The following SLC26A8 variants were observed in gnomAD, a reference collection of about 807,000 sequenced individuals.
SLC26A8 encodes testis anion transporter 1.
SLC26A8 carries 70 observed loss-of-function variants against 105.0 expected under a neutral mutation model. The observed-to-expected ratio is 0.67, with a 90% confidence interval of 0.55 to 0.81. The LOEUF is 0.81. SLC26A8 is among the 40% of genes least tolerant of loss of function. The pLI is 0.00. For synonymous variants in SLC26A8, 415 were observed against 438.3 expected, an observed-to-expected ratio of 0.95 and a Z score of 0.66; for missense variants, 998 against 1,181.8, an observed-to-expected ratio of 0.84 and a Z score of 2.28.
intron 3 of SLC26A8, among the ~76,000 whole-genome samples, chr6:36,001,082 G>T (rs1223456175): frequency 6.6e-6 from 1 of 151,748 alleles, no homozygotes; most frequent in Non-Finnish European, 1.5e-5. Flanking sequence ...ACAAATGATT[G>T]TTGTGGTAGA....
At chr6:35,954,827 TC>T in intron 17 of SLC26A8, 1 of 288,122 alleles carries the variant, frequency 3.5e-6, no homozygotes, top group Non-Finnish European at 6.8e-6. Context: ...TGCCTGTAGT[TC>T]CAGCTATTCA....
At chr6:36,000,473 A>G (rs1761489122) in intron 3 of SLC26A8, among the ~76,000 whole-genome samples, 1 of 152,188 alleles carries the variant, frequency 6.6e-6, no homozygotes, top group Non-Finnish European at 1.5e-5. Flanking sequence ...GGCCGTGGGA[A>G]TTCTCCAGGG....
rs758425481 is a variant in SLC26A8 at position 35,955,528 on chromosome 6, G to A, written c.1864-8C>T. 2.1e-5 allele frequency: 34 copies of A among 1,612,296 alleles called. No individual in the cohort carries two copies. The South Asian group carries it at 3.0e-4, about 14-fold the overall frequency. On this transcript the variant is annotated splice_region_variant and splice_polypyrimidine_tract_variant and intron_variant, in intron 16 of 19. Transcript: ENST00000490799. ...TCGCTCTGTGTAAAGAATCTGGGAC[G>A]ACAGAGTTAAGGGAGGGCTGTGGTA...
At chr6:35,952,958 G>C (rs1771931070) in intron 17 of SLC26A8, among the ~76,000 whole-genome samples, 1 of 142,682 alleles carries the variant, frequency 7.0e-6, no homozygotes, top group Non-Finnish European at 1.5e-5. Flanking sequence ...AGATTGCAGT[G>C]AGCCGAGATC....
chr6:35,994,693 A>T (rs1454372606), intron 5 of SLC26A8, among the ~76,000 whole-genome samples: 2 of 150,886 alleles, frequency 1.3e-5, no homozygotes, highest in Non-Finnish European at 2.9e-5. Context: ...CTCCCACCTC[A>T]GCCTCCCGAG....
intron 6 of SLC26A8, 66 bp from the exon 7 acceptor site, chr6:35,991,874 A>T: frequency 6.9e-7 from 1 of 1,447,246 alleles, no homozygotes; most frequent in Non-Finnish European, 9.1e-7. Context: ...CTAGAAATTG[A>T]CACTGTAGAT....
intron 10 of SLC26A8, 130 bp from the exon 11 acceptor site, chr6:35,969,084 T>C (rs1772677588): frequency 1.4e-6 from 1 of 723,818 alleles, no homozygotes; most frequent in Non-Finnish European, 2.4e-6. Context: ...TCCAAGTGTA[T>C]TTTTGTTGAA....
In SLC26A8 at chr6:35,992,565, G is replaced by C; in HGVS notation, c.737C>G (p.Thr246Ser). The change falls in exon 6 of 20, where the codon ACT (threonine) becomes AGT (serine). Residue 246 changes from threonine to serine, a missense_variant. Thr to Ser is a moderately conservative substitution (Grantham distance 58). Coordinates refer to ENST00000490799, the MANE Select transcript of SLC26A8 (RefSeq NM_052961.4). Reference sequence around the variant, plus strand: ...ACTAATCATAATCCCAAAGATGAAAGTCAGCTGGGACAGCATGATATGAAG... The same window carrying C: ...ACTAATCATAATCCCAAAGATGAAACTCAGCTGGGACAGCATGATATGAAG... ...VALHIMLSQL[T>S]FIFGIMISFH... The C allele has an allele frequency of 6.2e-7, 1 of 1,614,138 alleles. No individual in the cohort carries two copies. Among genetic ancestry groups the C allele is most frequent in the Non-Finnish European group, 8.5e-7 (1 of 1,179,998 alleles).
intron 7 of SLC26A8, among the ~76,000 whole-genome samples, chr6:35,988,969 T>C (rs1773642705): frequency 6.6e-6 from 1 of 151,204 alleles, no homozygotes; most frequent in Admixed American, 6.6e-5. Flanking sequence ...GCCTCCCGAG[T>C]AGCTGGAACT....
At chr6:35,951,043 TG>T in intron 19 of SLC26A8, 119 bp downstream of exon 19, 2 of 990,874 alleles carry the variant, frequency 2.0e-6, no homozygotes, top group Non-Finnish European at 3.0e-6. Context: ...ATACCTTTCC[TG>T]GACATTATTC....
chr6:35,989,168 G>A (rs1247101272), intron 7 of SLC26A8, among the ~76,000 whole-genome samples: 3 of 152,016 alleles, frequency 2.0e-5, no homozygotes, highest in Non-Finnish European at 4.4e-5. Context: ...GAATTTATAC[G>A]CCAGGTAACT....
In SLC26A8 at chr6:35,975,453, A is replaced by G; in HGVS notation, c.1209T>C (p.Ser403=). 1 of 1,613,732 alleles carries G rather than the reference A, an allele frequency of 6.2e-7. No individual in the cohort carries two copies. Among genetic ancestry groups the G allele is most frequent in the African/African-American group, 1.3e-5 (1 of 75,040 alleles). Residue 403 remains serine, a synonymous_variant, in exon 10 of 20, where the codon AGT becomes AGC. Transcript: ENST00000490799. ...TAAACACACAAGATCTGAAAAATGA[A>G]CTGACGACATTGCAAAGGCCGATGG... ...LIAIGLCNVV[S]SFFRSCVFTG... is the part of the protein sequence containing the mutation.
At chr6:35,958,039 C>T (rs1179626572) in intron 16 of SLC26A8, among the ~76,000 whole-genome samples, 1 of 152,216 alleles carries the variant, frequency 6.6e-6, no homozygotes, top group African/African-American at 2.4e-5. Context: ...TTATTTCTAC[C>T]TTGGTGTCTT....
chr6:36,008,085 A>T (rs970391768), intron 3 of SLC26A8, among the ~76,000 whole-genome samples: 2 of 139,158 alleles, frequency 1.4e-5, no homozygotes, highest in Non-Finnish European at 3.0e-5. Flanking sequence ...GAGCCATTGC[A>T]CTCCAGCCTG....
At chr6:35,959,373 A>G in intron 16 of SLC26A8, 87 bp downstream of exon 16, 1 of 1,399,834 alleles carries the variant, frequency 7.1e-7, no homozygotes, top group Non-Finnish European at 9.6e-7. Flanking sequence ...AATCCCTTAG[A>G]GGTTTTGATT....
intron 7 of SLC26A8, among the ~76,000 whole-genome samples, chr6:35,984,937 CAA>C (rs1250426054): frequency 6.6e-6 from 1 of 152,146 alleles, no homozygotes; most frequent in African/African-American, 2.4e-5. Context: ...GCATTAACCT[CAA>C]AACAGACCCT....
intron 2 of SLC26A8, among the ~76,000 whole-genome samples, chr6:36,018,925 C>G (rs851036): frequency 0.38 from 57,069 of 151,836 alleles, 11,834 homozygotes; most frequent in South Asian, 0.54. Context: ...CCATGGCTAT[C>G]TTATTTATTT....
In SLC26A8 at chr6:35,997,675, A is replaced by G. The variant is rs1020747706; in HGVS notation, c.627+63T>C. Reference sequence around the variant, plus strand: ...GTGGATCACAGGAGCAGTATAAGGAAGGGGTCTGTTTATAGCCCCTTTATT... The same window carrying G: ...GTGGATCACAGGAGCAGTATAAGGAGGGGGTCTGTTTATAGCCCCTTTATT... On this transcript the variant is annotated intron_variant, in intron 5 of 19. Coordinates refer to ENST00000490799, the MANE Select transcript of SLC26A8 (RefSeq NM_052961.4). The G allele has an allele frequency of 1.9e-5, 28 of 1,491,238 alleles. No homozygotes were observed. The African/African-American group carries it at 3.5e-4, about 19-fold the overall frequency. 92.4% of individuals were successfully genotyped at this position (1,491,238 alleles called of 1,614,324 possible). A position where few individuals can be genotyped will look rare whatever the true frequency, so the allele number is the denominator to read the frequency against.
intron 7 of SLC26A8, among the ~76,000 whole-genome samples, chr6:35,987,893 A>G (rs1481950521): frequency 6.7e-6 from 1 of 148,512 alleles, no homozygotes; most frequent in Non-Finnish European, 1.5e-5. Context: ...ACACCCAAAA[A>G]TTCAGCAACC....
Sources: allele counts gnomAD v4.1 joint callset (sites outside exome capture counted in the v4.1 genomes callset), GRCh38; gene constraint gnomAD v4.1.1; transcripts MANE v1.5; gene names NCBI Gene and HGNC (gene_info 2026-07-23, HGNC 2026-07-21).